DZIP3: variants seen among roughly 807,000 people sequenced by gnomAD.
DZIP3 encodes E3 ubiquitin-protein ligase DZIP3.
DZIP3 carries 118 observed loss-of-function variants against 162.0 expected under a neutral mutation model. The ratio of observed to expected loss-of-function variants is 0.73; its 90% CI spans 0.63 to 0.85. The LOEUF is 0.85. Ranked by LOEUF, DZIP3 falls within the 40% of genes least tolerant of loss-of-function variation. The pLI, the probability that DZIP3 is intolerant of heterozygous loss-of-function variation, is 0.00. For synonymous variants in DZIP3, 438 were observed against 458.6 expected (o/e 0.96, Z 0.57); for missense variants, 1,331 against 1,407.0 (o/e 0.95, Z 0.86).
intron 25 of DZIP3, 146 bp from the exon 26 acceptor site, chr3:108,677,351 T>TTTA: frequency 1.9e-6 from 1 of 532,204 alleles, no homozygotes; most frequent in Non-Finnish European, 3.3e-6. Flanking sequence ...TTTTTTTTTT[T>TTTA]GGTCAGAACC....
rs1177293792 is a variant in DZIP3, at chr3:108,688,659, G to A, written c.3337G>A (p.Ala1113Thr). 6.2e-7 allele frequency: 1 copy of A among 1,614,028 alleles called. No individual in the cohort carries two copies. Among genetic ancestry groups the A allele is most frequent in the African/African-American group, 1.3e-5 (1 of 74,922 alleles). ...SPSHSPSQPD[A>T]AQPPKPAWRP... ...TAGTCATTCTCCATCACAGCCTGAT[G>A]CTGCCCAGCCCCCAAAACCAGCCTG... is the stretch of plus-strand genomic sequence containing the variant. Residue 1113 changes from alanine (A) to threonine (T), a missense_variant, in exon 30 of 33, where the codon GCT becomes ACT. Ala to Thr is a moderately conservative substitution (Grantham distance 58, BLOSUM62 0). Transcript: ENST00000361582.
intron 2 of DZIP3, among the ~76,000 whole-genome samples, chr3:108,607,754 A>T (rs1260579086): frequency 1.3e-5 from 2 of 152,178 alleles, no homozygotes; most frequent in Non-Finnish European, 2.9e-5. Flanking sequence ...AACACACAAA[A>T]CATCAACCTT....
chr3:108,657,380 GC>G (rs1348128970), intron 19 of DZIP3, among the ~76,000 whole-genome samples: 4 of 152,112 alleles, frequency 2.6e-5, no homozygotes, highest in African/African-American at 9.7e-5. Context: ...TTCATATCCA[GC>G]CAAACTAAGC....
At chr3:108,658,073 C>G (rs1001422292) in intron 19 of DZIP3, among the ~76,000 whole-genome samples, 62 of 150,268 alleles carry the variant, frequency 4.1e-4, no homozygotes, top group African/African-American at 1.5e-3. Context: ...CAACATTAGA[C>G]AGATCAATGA....
intron 5 of DZIP3, among the ~76,000 whole-genome samples, chr3:108,617,892 C>T (rs1219895953): frequency 2.0e-5 from 3 of 152,312 alleles, no homozygotes; most frequent in East Asian, 3.9e-4. Flanking sequence ...TTTACTTAGA[C>T]ATTACTTCAA....
intron 5 of DZIP3, 94 bp from the exon 6 acceptor site, chr3:108,624,350 A>G (rs1253302967): frequency 1.5e-6 from 1 of 657,056 alleles, no homozygotes; most frequent in African/African-American, 1.9e-5. Flanking sequence ...TTGTTTTAAT[A>G]ATTATTAATT....
chr3:108,641,569 T>C (rs1942402150), intron 12 of DZIP3, among the ~76,000 whole-genome samples: 1 of 152,178 alleles, frequency 6.6e-6, no homozygotes, highest in Admixed American at 6.6e-5. Context: ...AAAGTAGAAT[T>C]GCTAGGCCAC....
chr3:108,682,398 G>T (rs1944353447), intron 26 of DZIP3, among the ~76,000 whole-genome samples: 1 of 150,814 alleles, frequency 6.6e-6, no homozygotes, highest in Non-Finnish European at 1.5e-5. Flanking sequence ...GTTGGATAAA[G>T]AAAATGTATA....
At chr3:108,660,296 G>A (rs1218756266) in intron 19 of DZIP3, among the ~76,000 whole-genome samples, 2 of 152,180 alleles carry the variant, frequency 1.3e-5, no homozygotes, top group African/African-American at 2.4e-5. Flanking sequence ...CAGAGATATA[G>A]ACCAATGGAA....
intron 9 of DZIP3, among the ~76,000 whole-genome samples, 193 bp downstream of exon 9, chr3:108,633,265 T>G (rs1357008366): frequency 6.6e-6 from 1 of 151,936 alleles, no homozygotes; most frequent in East Asian, 1.9e-4. Context: ...ACTATTTATA[T>G]TCTGTGAGTC....
At chr3:108,686,992 G>A (rs763664846) in intron 28 of DZIP3, among the ~76,000 whole-genome samples, 8 of 151,964 alleles carry the variant, frequency 5.3e-5, no homozygotes, top group Non-Finnish European at 1.2e-4. Context: ...AATTTTGAGG[G>A]TCCTTATAGT....
At chr3:108,692,272 G>A (rs1944727967) in intron 32 of DZIP3, among the ~76,000 whole-genome samples, 1 of 152,042 alleles carries the variant, frequency 6.6e-6, no homozygotes, top group African/African-American at 2.4e-5. Flanking sequence ...TAGACAGACT[G>A]GCTATTGGTA....
intron 13 of DZIP3, among the ~76,000 whole-genome samples, chr3:108,643,781 G>C (rs957435508): frequency 2.6e-5 from 4 of 151,930 alleles, no homozygotes; most frequent in Admixed American, 2.6e-4. Context: ...TTAGGATAAA[G>C]TATAATTGTT....
intron 21 of DZIP3, among the ~76,000 whole-genome samples, chr3:108,667,382 AG>A (rs1943728781): frequency 6.6e-6 from 1 of 152,188 alleles, no homozygotes; most frequent in Non-Finnish European, 1.5e-5. Context: ...GATTGAAAAA[AG>A]CCAGTTCCAA....
At chr3:108,672,203 C>T (rs1056804055) in intron 22 of DZIP3, among the ~76,000 whole-genome samples, 2 of 151,860 alleles carry the variant, frequency 1.3e-5, no homozygotes, top group East Asian at 1.9e-4. Context: ...ACCATCACTT[C>T]GGGGGTTAAG....
chr3:108,651,064 A>C (rs1436981691), intron 17 of DZIP3, 73 bp from the exon 18 acceptor site: 2 of 547,852 alleles, frequency 3.7e-6, no homozygotes, highest in Admixed American at 9.6e-5. Context: ...CACTGACCTA[A>C]ATGTAATTAT....
At chr3:108,664,342 C>T (rs1168095201) in intron 21 of DZIP3, among the ~76,000 whole-genome samples, 2 of 152,240 alleles carry the variant, frequency 1.3e-5, no homozygotes, top group Admixed American at 6.5e-5. Context: ...TGGAAGTAGG[C>T]AGTACATGCT....
At chr3:108,602,003 C>G (rs968022673) in intron 1 of DZIP3, among the ~76,000 whole-genome samples, 1 of 152,144 alleles carries the variant, frequency 6.6e-6, no homozygotes, top group Non-Finnish European at 1.5e-5. Flanking sequence ...CCAATTAAAG[C>G]CTTCTTCCTA....
intron 8 of DZIP3, among the ~76,000 whole-genome samples, chr3:108,631,278 G>A (rs970548248): frequency 1.3e-5 from 2 of 151,792 alleles, no homozygotes; most frequent in East Asian, 1.9e-4. Flanking sequence ...GCAGCTTCCC[G>A]TAAAAGAGAG....
Sources: allele counts gnomAD v4.1 joint callset (sites outside exome capture counted in the v4.1 genomes callset), GRCh38; gene constraint gnomAD v4.1.1; transcripts MANE v1.5; gene names NCBI Gene and HGNC (gene_info 2026-07-23, HGNC 2026-07-21).